The following PTPRR variants were observed in gnomAD, a reference collection of about 807,000 sequenced individuals.
The protein encoded by PTPRR is protein tyrosine phosphatase receptor type R.
In PTPRR, 38 loss-of-function variants were observed where a neutral mutation model predicts 77.2. The ratio of observed to expected loss-of-function variants is 0.49; its 90% CI spans 0.38 to 0.65. The LOEUF (loss-of-function observed/expected upper bound fraction) is 0.65, where lower values mean the gene tolerates loss of function less well. Among genes scored for constraint, PTPRR ranks in the 30% least tolerant of loss-of-function variants. PTPRR has a pLI of 0.00. For synonymous variants in PTPRR, 299 were observed against 283.1 expected, an observed-to-expected ratio of 1.06 and a Z score of -0.57; for missense variants, 744 against 799.2, an observed-to-expected ratio of 0.93 and a Z score of 0.83.
In PTPRR at chr12:70,659,295, G is replaced by T. The variant is rs538033728; in HGVS notation, c.1766+1645C>A. Among the ~76,000 whole-genome samples, 4 of 152,194 alleles carry T rather than the reference G, an allele frequency of 2.6e-5. No individual in the cohort carries two copies. The East Asian group carries it at 7.7e-4, about 29-fold the overall frequency. ...TGGCGGTGAGAGCATGGGGGAATGC[G>T]GTATGTGTGTGCATTTTACCAGCTA... On this transcript the variant is annotated intron_variant, in intron 12 of 13. Transcript: ENST00000283228.
At chr12:70,659,468 C>T (rs1207419105) in intron 12 of PTPRR, among the ~76,000 whole-genome samples, 1 of 152,082 alleles carries the variant, frequency 6.6e-6, no homozygotes, top group African/African-American at 2.4e-5. Context: ...CCAGAGATAA[C>T]TGTCAACATG....
intron 13 of PTPRR, among the ~76,000 whole-genome samples, chr12:70,641,958 T>C (rs1316697226): frequency 1.3e-5 from 2 of 152,210 alleles, no homozygotes; most frequent in Non-Finnish European, 2.9e-5. Flanking sequence ...GGTCACTCAA[T>C]ATTTCTGTAC....
At chr12:70,898,461 C>G (rs1428769083) in intron 1 of PTPRR, among the ~76,000 whole-genome samples, 2 of 148,554 alleles carry the variant, frequency 1.3e-5, no homozygotes, top group Admixed American at 6.7e-5. Context: ...TTTTTAACTC[C>G]TTGATACTCT....
chr12:70,714,330 A>C lies in PTPRR; in HGVS notation c.1008-13007T>G, dbSNP rs115655453. 6.8e-3 allele frequency among the ~76,000 whole-genome samples: 1,031 copies of C among 152,270 alleles called. 12 individuals are homozygous for C. Among genetic ancestry groups the C allele is most frequent in the African/African-American group, 0.023 (958 of 41,562 alleles). On this transcript the variant is annotated intron_variant, in intron 6 of 13. Transcript: ENST00000283228. Reference sequence around the variant, plus strand: ...TGCAGAAGGAAGCAAATGAAAAAGAAAGCCCTCTTCCCCTAGTTCTTCCCG... The same window carrying C: ...TGCAGAAGGAAGCAAATGAAAAAGACAGCCCTCTTCCCCTAGTTCTTCCCG...
In PTPRR at chr12:70,920,394, G is replaced by A. The variant is rs1382656412; in HGVS notation, c.-4C>T. 6.2e-7 allele frequency: 1 copy of A among 1,612,666 alleles called. No individual in the cohort carries two copies. Among genetic ancestry groups the A allele is most frequent in the East Asian group, 2.2e-5 (1 of 44,804 alleles). ...GGAAGCAGACTGCTCTCCGCATAGTGTTTGCATTGAGAGGTGGAGGAGAAA... is the reference window on the plus strand; with the variant it reads ...GGAAGCAGACTGCTCTCCGCATAGTATTTGCATTGAGAGGTGGAGGAGAAA... On this transcript the variant is annotated 5_prime_UTR_variant, in exon 1 of 14. Transcript: ENST00000283228.
chr12:70,820,394 C>T lies in PTPRR; in HGVS notation c.358-55616G>A, dbSNP rs189080671. On this transcript the variant is annotated intron_variant, in intron 2 of 13. Coordinates refer to ENST00000283228, the MANE Select transcript of PTPRR (RefSeq NM_002849.4). ...GCCCAGGCTGGAGTGAGTGCAGTGGCGCGATCTCGGCTCACTGCAAGCTCC... is the reference window on the plus strand; with the variant it reads ...GCCCAGGCTGGAGTGAGTGCAGTGGTGCGATCTCGGCTCACTGCAAGCTCC... Among the ~76,000 whole-genome samples, 618 of 152,214 alleles carry T rather than the reference C, an allele frequency of 4.1e-3. 6 individuals carry two copies. The highest frequency in any genetic ancestry group is 0.014 in the African/African-American group (593 of 41,520).
intron 1 of PTPRR, among the ~76,000 whole-genome samples, chr12:70,918,304 T>C (rs1893804155): frequency 6.6e-6 from 1 of 152,236 alleles, no homozygotes; most frequent in African/African-American, 2.4e-5. Context: ...CAATCTGCTG[T>C]GATAAAACAC....
At chr12:70,747,443 A>G (rs1159528093) in intron 5 of PTPRR, among the ~76,000 whole-genome samples, 1 of 152,252 alleles carries the variant, frequency 6.6e-6, no homozygotes, top group Non-Finnish European at 1.5e-5. Flanking sequence ...ACATCTAAAT[A>G]TAATATGCAT....
At chr12:70,859,280 T>A (rs1052599878) in intron 2 of PTPRR, among the ~76,000 whole-genome samples, 26 of 152,058 alleles carry the variant, frequency 1.7e-4, no homozygotes, top group African/African-American at 6.3e-4. Flanking sequence ...TTAAACAATA[T>A]CAGTACTTGG....
chr12:70,672,165 C>T, intron 10 of PTPRR: 1 of 1,511,942 alleles, frequency 6.6e-7, no homozygotes. Context: ...GCAAGAAGAG[C>T]CTTGGGTGCC....
intron 2 of PTPRR, among the ~76,000 whole-genome samples, chr12:70,858,345 T>G (rs533568621): frequency 1.3e-5 from 2 of 152,236 alleles, no homozygotes; most frequent in East Asian, 3.9e-4. Context: ...TCTTGTAGGA[T>G]GGACACTGAC....
intron 2 of PTPRR, among the ~76,000 whole-genome samples, chr12:70,883,415 CGA>C (rs1893182872): frequency 6.6e-6 from 1 of 152,062 alleles, no homozygotes. Flanking sequence ...TCTGGTAAGC[CGA>C]ATGATTACCT....
chr12:70,728,823 C>G (rs555554551), intron 6 of PTPRR, among the ~76,000 whole-genome samples: 1 of 152,176 alleles, frequency 6.6e-6, no homozygotes, highest in East Asian at 1.9e-4. Context: ...CTGGCACCAA[C>G]AGCCTGTGAT....
At chr12:70,895,992 G>A (rs1177284446) in intron 1 of PTPRR, among the ~76,000 whole-genome samples, 1 of 151,534 alleles carries the variant, frequency 6.6e-6, no homozygotes, top group Non-Finnish European at 1.5e-5. Context: ...AGAAGCGCAA[G>A]AAACTCACTT....
chr12:70,832,957 T>C (rs1892240416), intron 2 of PTPRR, among the ~76,000 whole-genome samples: 1 of 152,030 alleles, frequency 6.6e-6, no homozygotes, highest in Non-Finnish European at 1.5e-5. Context: ...AGGTTCCTGT[T>C]CCCTACAAAT....
chr12:70,868,149 A>T (rs1167839287), intron 2 of PTPRR, among the ~76,000 whole-genome samples: 1 of 152,202 alleles, frequency 6.6e-6, no homozygotes. Flanking sequence ...TGTCCAAAAC[A>T]CAAAAAGCAA....
chr12:70,704,114 A>G (rs1417699508), intron 6 of PTPRR, among the ~76,000 whole-genome samples: 2 of 152,092 alleles, frequency 1.3e-5, no homozygotes, highest in Non-Finnish European at 2.9e-5. Flanking sequence ...CATAGACACT[A>G]TAAGACTATA....
At chr12:70,816,898 T>C (rs1040026) in intron 2 of PTPRR, among the ~76,000 whole-genome samples, 6,136 of 152,218 alleles carry the variant, frequency 0.04, 397 homozygotes, top group African/African-American at 0.14. Context: ...TGAATGATTA[T>C]GGACAGCTGT....
chr12:70,749,707 C>A (rs926360065), intron 5 of PTPRR, among the ~76,000 whole-genome samples: 11 of 152,010 alleles, frequency 7.2e-5, no homozygotes, highest in African/African-American at 2.7e-4. Flanking sequence ...GGCTACCAGA[C>A]TACAACTAGA....
Sources: gnomAD v4.1 joint callset for allele counts (sites outside exome capture counted in the v4.1 genomes callset) on GRCh38, gnomAD v4.1.1 for gene constraint, MANE v1.5 for transcripts, NCBI Gene and HGNC (gene_info 2026-07-23, HGNC 2026-07-21) for gene names.